ULK4: variants seen among roughly 807,000 people sequenced by gnomAD.
ULK4 encodes the protein inactive serine/threonine-protein kinase ULK4.
ULK4 carries 133 observed loss-of-function variants against 160.6 expected under a neutral mutation model. The observed-to-expected ratio is 0.83, with a 90% CI of 0.72 to 0.96. The LOEUF is 0.96. Ranked by LOEUF, ULK4 falls within the 40% of genes least tolerant of loss-of-function variation. The pLI, the probability that ULK4 is intolerant of heterozygous loss-of-function variation, is 0.00. For synonymous variants in ULK4, 534 were observed against 539.8 expected, an observed-to-expected ratio of 0.99 and a Z score of 0.15; for missense variants, 1,580 against 1,499.5, an observed-to-expected ratio of 1.05 and a Z score of -0.89.
intron 34 of ULK4, among the ~76,000 whole-genome samples, chr3:41,449,758 T>C (rs904887757): frequency 6.6e-6 from 1 of 151,946 alleles, no homozygotes; most frequent in African/African-American, 2.4e-5. Context: ...TTTTTCTACA[T>C]TGTGTTTTAT....
At chr3:41,713,195 G>A (rs559389089) in intron 25 of ULK4, among the ~76,000 whole-genome samples, 7 of 152,238 alleles carry the variant, frequency 4.6e-5, no homozygotes, top group African/African-American at 1.4e-4. Context: ...AATTTGCAAT[G>A]TACATTTCTA....
chr3:41,586,771 CAGAA>C (rs1443770565), intron 31 of ULK4, among the ~76,000 whole-genome samples: 1 of 151,344 alleles, frequency 6.6e-6, no homozygotes, highest in Non-Finnish European at 1.5e-5. Flanking sequence ...TCTTCAATAT[CAGAA>C]AGAAAGAAAA....
At chr3:41,336,029 C>T (rs951671441) in intron 35 of ULK4, among the ~76,000 whole-genome samples, 1 of 152,164 alleles carries the variant, frequency 6.6e-6, no homozygotes, top group Non-Finnish European at 1.5e-5. Context: ...GAGGAAGGAA[C>T]AAGCTATGAC....
intron 32 of ULK4, among the ~76,000 whole-genome samples, chr3:41,492,738 C>T (rs2084831169): frequency 6.6e-6 from 1 of 151,380 alleles, no homozygotes; most frequent in Admixed American, 6.6e-5. Flanking sequence ...GGAAGATCTA[C>T]CAAACAAATG....
chr3:41,576,385 C>T (rs1451472341), intron 31 of ULK4, among the ~76,000 whole-genome samples: 1 of 152,164 alleles, frequency 6.6e-6, no homozygotes, highest in Admixed American at 6.5e-5. Flanking sequence ...CCATCCCTCA[C>T]CCAATGCTGA....
chr3:41,665,538 CA>C (rs1194672725), intron 29 of ULK4, among the ~76,000 whole-genome samples: 1 of 152,048 alleles, frequency 6.6e-6, no homozygotes, highest in African/African-American at 2.4e-5. Context: ...GCAAATGTCA[CA>C]TTTTAGAAAA....
At chr3:41,379,838 G>A (rs2081606801) in intron 35 of ULK4, among the ~76,000 whole-genome samples, 1 of 152,186 alleles carries the variant, frequency 6.6e-6, no homozygotes, top group South Asian at 2.1e-4. Context: ...ATGCATGTGG[G>A]ATCATAGGTT....
intron 30 of ULK4, among the ~76,000 whole-genome samples, chr3:41,630,322 A>G (rs1396777082): frequency 6.6e-6 from 1 of 152,178 alleles, no homozygotes; most frequent in Non-Finnish European, 1.5e-5. Flanking sequence ...TGTTGGCAGA[A>G]TTCAGTTCCT....
intron 18 of ULK4, among the ~76,000 whole-genome samples, chr3:41,833,950 T>C (rs1400666559): frequency 1.3e-5 from 2 of 152,152 alleles, no homozygotes; most frequent in Non-Finnish European, 1.5e-5. Flanking sequence ...AAAAGTGAGT[T>C]TCTACCTGTT....
At chr3:41,834,008 A>T (rs1189921437) in intron 18 of ULK4, among the ~76,000 whole-genome samples, 1 of 151,938 alleles carries the variant, frequency 6.6e-6, no homozygotes, top group Non-Finnish European at 1.5e-5. Flanking sequence ...ATATATACAA[A>T]ATTAACTCTG....
At chr3:41,801,121 A>C (rs557136698) in intron 19 of ULK4, among the ~76,000 whole-genome samples, 1 of 152,328 alleles carries the variant, frequency 6.6e-6, no homozygotes, top group African/African-American at 2.4e-5. Context: ...AGAGGAAAGC[A>C]AAAACATAAG....
At chr3:41,713,371 T>C (rs1166984397) in intron 25 of ULK4, among the ~76,000 whole-genome samples, 1 of 152,200 alleles carries the variant, frequency 6.6e-6, no homozygotes. Flanking sequence ...TATGGATAAC[T>C]AAATCCAGGT....
In ULK4 at chr3:41,706,052, G is replaced by A. The variant is rs539666708; in HGVS notation, c.2635-747C>T. Among the ~76,000 whole-genome samples, 22 of 152,096 alleles carry A rather than the reference G, an allele frequency of 1.4e-4. 1 individual carries two copies. The South Asian group carries it at 4.6e-3, about 32-fold the overall frequency. On this transcript the variant is annotated intron_variant, in intron 25 of 36. Transcript: ENST00000301831. ...TCTTCAAATTTCGCCACTGTTTTGA[G>A]TTCCTCCTAGATACCTCTTATTCCA...
chr3:41,266,233 T>A (rs978046685), intron 35 of ULK4, among the ~76,000 whole-genome samples: 3 of 152,032 alleles, frequency 2.0e-5, no homozygotes, highest in Admixed American at 1.3e-4. Context: ...CAGGACAGGG[T>A]TGGGATCCTG....
At chr3:41,769,660 T>C (rs913719787) in intron 21 of ULK4, among the ~76,000 whole-genome samples, 10 of 151,974 alleles carry the variant, frequency 6.6e-5, no homozygotes, top group African/African-American at 2.2e-4. Context: ...AAAGATGGTA[T>C]AATGAAATAT....
At chr3:41,919,967 G>T in intron 5 of ULK4, 149 bp from the exon 6 acceptor site, 1 of 500,794 alleles carries the variant, frequency 2.0e-6, no homozygotes, top group Non-Finnish European at 3.6e-6. Flanking sequence ...ATTTTTAAAT[G>T]TTTTCTAATT....
chr3:41,741,232 T>C (rs767313366), intron 22 of ULK4, among the ~76,000 whole-genome samples: 3 of 151,950 alleles, frequency 2.0e-5, no homozygotes, highest in African/African-American at 4.9e-5. Context: ...AATCTCACCA[T>C]CACATCCTCC....
At chr3:41,879,647 ACT>A (rs959782845) in intron 17 of ULK4, among the ~76,000 whole-genome samples, 5 of 151,606 alleles carry the variant, frequency 3.3e-5, no homozygotes, top group Non-Finnish European at 5.9e-5. Flanking sequence ...ACCACACCAA[ACT>A]CTATTTTTTC....
intron 35 of ULK4, among the ~76,000 whole-genome samples, chr3:41,319,135 C>T (rs2080200648): frequency 6.6e-6 from 1 of 152,170 alleles, no homozygotes; most frequent in African/African-American, 2.4e-5. Context: ...TAGTGCAACA[C>T]ATTTAACTGG....
Sources: gnomAD v4.1 joint callset for allele counts (sites outside exome capture counted in the v4.1 genomes callset) on GRCh38, gnomAD v4.1.1 for gene constraint, MANE v1.5 for transcripts, NCBI Gene and HGNC (gene_info 2026-07-23, HGNC 2026-07-21) for gene names.